Variants in ELOVL6 observed in about 807,000 individuals in gnomAD.
ELOVL6 encodes ELOVL fatty acid elongase 6, also known as very long chain fatty acid elongase 6.
In ELOVL6, 8 loss-of-function variants were observed where a neutral mutation model predicts 31.7. The observed-to-expected ratio is 0.25, with a 90% confidence interval of 0.15 to 0.45. The LOEUF (loss-of-function observed/expected upper bound fraction) is 0.45. Among genes scored for constraint, ELOVL6 ranks in the 20% least tolerant of loss-of-function variants. ELOVL6 has a pLI of 1.00. For synonymous variants in ELOVL6, 101 were observed against 117.7 expected (o/e 0.86, Z 0.92); for missense variants, 126 against 326.4 (o/e 0.39, Z 4.73).
chr4:110,179,471 A>G (rs1759210866), intron 1 of ELOVL6, among the ~76,000 whole-genome samples: 3 of 152,226 alleles, frequency 2.0e-5, no homozygotes, highest in Non-Finnish European at 4.4e-5. Context: ...ACGCCACTGC[A>G]CTCCAGCCTG....
chr4:110,084,211 C>CATATATGTGATGATATATATGATAT (rs1368017825), intron 2 of ELOVL6, among the ~76,000 whole-genome samples: 2 of 56,944 alleles, frequency 3.5e-5, no homozygotes, highest in African/African-American at 2.1e-4. Flanking sequence ...ATATATATAA[C>CATATATGTGATGATATATATGATAT]ATATAACTTA....
At chr4:110,161,410 A>G (rs1321786568) in intron 1 of ELOVL6, among the ~76,000 whole-genome samples, 2 of 152,206 alleles carry the variant, frequency 1.3e-5, no homozygotes, top group Non-Finnish European at 2.9e-5. Context: ...GTCTATACTG[A>G]TGGCACTTTC....
chr4:110,129,891 ATTTTTTTTTT>A (rs371838858), intron 1 of ELOVL6, among the ~76,000 whole-genome samples: 1 of 93,538 alleles, frequency 1.1e-5, no homozygotes. Context: ...ATCCAATCCA[ATTTTTTTTTT>A]TTTTTTTTTT....
chr4:110,048,234 G>A lies in ELOVL6; in HGVS notation c.*3104C>T, dbSNP rs527502134. The A allele has an allele frequency of 1.3e-4, 20 of 152,254 alleles. 1 individual carries two copies. The highest frequency in any genetic ancestry group is 2.1e-4 in the South Asian group (1 of 4,832). 9.4% of individuals were successfully genotyped at this position (152,254 alleles called of 1,614,324 possible). A position where few individuals can be genotyped will look rare whatever the true frequency, so the allele number is the denominator to read the frequency against. On this transcript the variant is annotated 3_prime_UTR_variant, in exon 4 of 4. Coordinates refer to ENST00000302274, the MANE Select transcript of ELOVL6 (RefSeq NM_024090.3). ...TTTTAATTTGGTACTTTGGCCTTGC[G>A]TTAGATGTAATATGGTAGTTACTCT...
rs531805636 is a variant in ELOVL6, at chr4:110,066,620, CAG to C, written c.222-6868_222-6867del. On this transcript the variant is annotated intron_variant, in intron 2 of 3. Coordinates refer to ENST00000302274, the MANE Select transcript of ELOVL6 (RefSeq NM_024090.3). ...CACCACTGCACTCCAGCCTGGGCGA[CAG>C]AGACTCTGTCTCAACAAAAAAAAAA... 7.2e-4 allele frequency among the ~76,000 whole-genome samples: 81 copies of C among 112,738 alleles called. No individual in the cohort carries two copies. The East Asian group carries it at 8.6e-3, about 12-fold the overall frequency. The allele number at this position is 112,738 out of a possible 152,430, so 74.0% of individuals were successfully genotyped here. A position where few individuals can be genotyped will look rare whatever the true frequency, so the allele number is the denominator to read the frequency against.
intron 2 of ELOVL6, among the ~76,000 whole-genome samples, chr4:110,081,543 T>G (rs1169748288): frequency 2.0e-5 from 3 of 151,908 alleles, no homozygotes; most frequent in Non-Finnish European, 4.4e-5. Context: ...TAGTCATATG[T>G]ATAAAGCTGA....
At position 110,051,806 on chromosome 4, in the gene ELOVL6, C is replaced by G. The variant is rs745970202; in HGVS notation, c.374-44G>C. 2.0e-6 allele frequency: 3 copies of G among 1,535,280 alleles called. No homozygotes were observed. The Admixed American group carries it at 5.4e-5, about 28-fold the overall frequency. On this transcript the variant is annotated intron_variant, in intron 3 of 3. Coordinates refer to ENST00000302274, the MANE Select transcript of ELOVL6 (RefSeq NM_024090.3). The surrounding 1 kb of genome is among the most constrained non-coding windows in gnomAD (Gnocchi z 4.8). ...GAAGGTACGTGAGATCCTTGACCAC[C>G]AGTAACGATGACTTACAGTTTTGTA... is the stretch of plus-strand genomic sequence containing the variant.
intron 1 of ELOVL6, among the ~76,000 whole-genome samples, chr4:110,167,712 TG>T (rs1758820936): frequency 4.2e-5 from 6 of 144,374 alleles, no homozygotes; most frequent in African/African-American, 1.3e-4. Context: ...TATGTATGTT[TG>T]TATGTAGAGA....
At chr4:110,087,822 C>T (rs867207310) in intron 2 of ELOVL6, among the ~76,000 whole-genome samples, 20 of 148,506 alleles carry the variant, frequency 1.3e-4, no homozygotes, top group African/African-American at 4.8e-4. Context: ...AAAAAAACCT[C>T]CTATTTTCTA....
chr4:110,184,947 C>T (rs1289298175), intron 1 of ELOVL6, among the ~76,000 whole-genome samples: 1 of 152,144 alleles, frequency 6.6e-6, no homozygotes, highest in Non-Finnish European at 1.5e-5. Context: ...TTGTCTGGAC[C>T]CCTCCACAGA....
At chr4:110,117,903 A>AAAAAAAAAT in intron 1 of ELOVL6, 7 of 6,506 alleles carry the variant, frequency 1.1e-3, no homozygotes, top group East Asian at 0.013. Context: ...AAAAAAAAAA[A>AAAAAAAAAT]ATATATATAT....
chr4:110,062,917 T>C (rs901902694), intron 2 of ELOVL6, among the ~76,000 whole-genome samples: 1 of 152,206 alleles, frequency 6.6e-6, no homozygotes, highest in Admixed American at 6.5e-5. Flanking sequence ...TGCAAATTCA[T>C]CGTATGAATT....
chr4:110,097,796 GAA>G (rs11284609), intron 2 of ELOVL6, among the ~76,000 whole-genome samples: 35 of 138,754 alleles, frequency 2.5e-4, no homozygotes, highest in Middle Eastern at 3.6e-3. Context: ...TCTGCCTTCA[GAA>G]AAAAAAAAAA....
In ELOVL6 at chr4:110,084,463, G is replaced by GATATATCGCATATATC. The variant is rs1553956200; in HGVS notation, c.221+21033_221+21034insGATATATGCGATATAT. ...ATGATATATCGCATATATCATATATGATATATAACAATATACACTATAATG... is the reference window on the plus strand; with the variant it reads ...ATGATATATCGCATATATCATATATGATATATCGCATATATCATATATAACAATATACACTATAATG... On this transcript the variant is annotated intron_variant, in intron 2 of 3. Transcript: ENST00000302274. 1.4e-4 allele frequency among the ~76,000 whole-genome samples: 3 copies of GATATATCGCATATATC among 22,166 alleles called. No homozygotes were observed. In the South Asian group the frequency reaches 3.5e-3, roughly 26 times the overall value. The allele number at this position is 22,166 out of a possible 152,430, so 14.5% of individuals were successfully genotyped here. A position where few individuals can be genotyped will look rare whatever the true frequency, so the allele number is the denominator to read the frequency against.
intron 1 of ELOVL6, among the ~76,000 whole-genome samples, chr4:110,113,448 T>C (rs1170887814): frequency 6.6e-6 from 1 of 151,802 alleles, no homozygotes; most frequent in East Asian, 1.9e-4. Flanking sequence ...TCTGCTGTAG[T>C]GGTGCATGCC....
intron 1 of ELOVL6, among the ~76,000 whole-genome samples, chr4:110,177,691 C>A (rs961128084): frequency 6.6e-6 from 1 of 151,966 alleles, no homozygotes; most frequent in Admixed American, 6.6e-5. Flanking sequence ...TCAGATAGAA[C>A]CTAGGTCATT....
chr4:110,182,105 G>C (rs1259397364), intron 1 of ELOVL6, among the ~76,000 whole-genome samples: 1 of 152,100 alleles, frequency 6.6e-6, no homozygotes, highest in Non-Finnish European at 1.5e-5. Flanking sequence ...CCTTTTGTCT[G>C]TATTAGATTA....
At chr4:110,075,630 C>G (rs557213327) in intron 2 of ELOVL6, among the ~76,000 whole-genome samples, 131 of 152,126 alleles carry the variant, frequency 8.6e-4, no homozygotes, top group Non-Finnish European at 1.6e-3. Flanking sequence ...GGAGTTTTCA[C>G]TTAATGGGTA....
Position 110,110,401 on chromosome 4 carries a change from A to AT in ELOVL6, c.90-4774dup, listed in dbSNP as rs397878146. ...AAAAAAAATGGAAATTTTTCCGCAG[A>AT]TTTTTTTTTTTTTTTTTTTTTTTTG... On this transcript the variant is annotated intron_variant, in intron 1 of 3. Transcript: ENST00000302274. Among the ~76,000 whole-genome samples the AT allele has an allele frequency of 9.7e-3, 1,064 of 109,680 alleles. 12 individuals are homozygous for AT. The highest frequency in any genetic ancestry group is 0.016 in the South Asian group (49 of 3,034). The allele number at this position is 109,680 out of a possible 152,430, so 72.0% of individuals were successfully genotyped here.
Sources: allele counts gnomAD v4.1 joint callset (sites outside exome capture counted in the v4.1 genomes callset), GRCh38; gene constraint gnomAD v4.1.1; non-coding constraint Gnocchi (gnomAD v3.1); transcripts MANE v1.5; gene names NCBI Gene and HGNC (gene_info 2026-07-23, HGNC 2026-07-21).